The following LTBP4 variants were observed in gnomAD, a reference collection of about 807,000 sequenced individuals.
The protein encoded by LTBP4 is latent transforming growth factor beta binding protein 4.
Under a neutral mutation model 180.2 loss-of-function variants are expected in LTBP4, and 93 were observed. The observed-to-expected ratio is 0.52, with a 90% CI of 0.44 to 0.61. The LOEUF is 0.61. LTBP4 is among the 20% of genes least tolerant of loss of function. The pLI, the probability that LTBP4 is intolerant of heterozygous loss-of-function variation, is 0.00. For missense variants in LTBP4, 2,116 were observed against 2,256.5 expected (o/e 0.94, Z 1.26); for synonymous variants, 947 against 934.5 (o/e 1.01, Z -0.24).
chr19:40,609,949 C>T lies in LTBP4; in HGVS notation c.1684+78C>T. ...CTCTCACTCCAGAGCCTCTCCAGCC[C>T]TCCCACGCTTCCCCTCTCGGGTCCC... On this transcript the variant is annotated intron_variant, in intron 11 of 29. Coordinates refer to ENST00000396819, the MANE Select transcript of LTBP4 (RefSeq NM_001042545.2). The surrounding 1 kb of genome is among the most constrained non-coding windows in gnomAD (Gnocchi z 4.9). 1 of 1,442,392 alleles carries T rather than the reference C, an allele frequency of 6.9e-7. No individual in the cohort carries two copies. The highest frequency in any genetic ancestry group is 9.1e-7 in the Non-Finnish European group (1 of 1,096,840). 89.3% of individuals were successfully genotyped at this position (1,442,392 alleles called of 1,614,324 possible).
In LTBP4 at chr19:40,609,729, C is replaced by T. The variant is rs1212996890; in HGVS notation, c.1559-17C>T. On this transcript the variant is annotated splice_polypyrimidine_tract_variant and intron_variant, in intron 10 of 29. Coordinates refer to ENST00000396819, the MANE Select transcript of LTBP4 (RefSeq NM_001042545.2). The surrounding 1 kb of genome is among the most constrained non-coding windows in gnomAD (Gnocchi z 4.9). ...TTTGCCTGGTCACCTTGTCACCAGC[C>T]CCCTCCGTGTCCTCAGATGTGGACG... The T allele has an allele frequency of 8.1e-6, 13 of 1,611,242 alleles. No individual in the cohort carries two copies. The highest frequency in any genetic ancestry group is 1.1e-5 in the Non-Finnish European group (13 of 1,178,312).
At position 40,608,434 on chromosome 19, in the gene LTBP4, G is replaced by A. The variant is rs370255151; in HGVS notation, c.1307-50G>A. Reference sequence around the variant, plus strand: ...GGCTGCCCCAGCCCCATAGTGAAAGGAGGCAAGAGAGGATTTGGGCTCCAC... The same window carrying A: ...GGCTGCCCCAGCCCCATAGTGAAAGAAGGCAAGAGAGGATTTGGGCTCCAC... On this transcript the variant is annotated intron_variant, in intron 8 of 29. Coordinates refer to ENST00000396819, the MANE Select transcript of LTBP4 (RefSeq NM_001042545.2). 3 of 1,594,874 alleles carry A rather than the reference G, an allele frequency of 1.9e-6. 1 individual carries two copies. In the South Asian group the frequency reaches 3.4e-5, roughly 18 times the overall value.
intron 21 of LTBP4, among the ~76,000 whole-genome samples, chr19:40,617,978 C>T (rs964797386): frequency 2.0e-5 from 3 of 152,094 alleles, no homozygotes; most frequent in Non-Finnish European, 2.9e-5. Context: ...ATTGCAGGCA[C>T]CAGTCTGCTT....
chr19:40,618,259 G>GC (rs1451960468), intron 21 of LTBP4, among the ~76,000 whole-genome samples: 3 of 135,918 alleles, frequency 2.2e-5, no homozygotes, highest in East Asian at 4.2e-4. Flanking sequence ...GTAGAGATGA[G>GC]TTTTTTTTTT....
In LTBP4 at chr19:40,605,934, C is replaced by A; in HGVS notation, c.793+103C>A. On this transcript the variant is annotated intron_variant, in intron 4 of 29. Coordinates refer to ENST00000396819, the MANE Select transcript of LTBP4 (RefSeq NM_001042545.2). This position sits in a 1 kb window ranked among gnomAD's most constrained non-coding sequence, Gnocchi z 5.5. The stretch of plus-strand genomic sequence containing the variant: ...GATAAACCCAGTTCACAAATTGTAG[C>A]CACGCCTACCCCATTGTGGAGGCGA... 8.0e-7 allele frequency: 1 copy of A among 1,256,440 alleles called. No individual in the cohort carries two copies. The highest frequency in any genetic ancestry group is 1.1e-6 in the Non-Finnish European group (1 of 917,764). 77.8% of individuals were successfully genotyped at this position (1,256,440 alleles called of 1,614,324 possible).
rs1425914909 is a variant in LTBP4 at position 40,629,200 on chromosome 19, C to T, written c.4520-196C>T. On this transcript the variant is annotated intron_variant, in intron 29 of 29. Transcript: ENST00000396819. The surrounding 1 kb of genome is among the most constrained non-coding windows in gnomAD (Gnocchi z 4.5). ...GTGCGGTATGGGCCACCATATCCATCTTACAGAACACGAAACTGAAGCACA... is the reference window on the plus strand; with the variant it reads ...GTGCGGTATGGGCCACCATATCCATTTTACAGAACACGAAACTGAAGCACA... 1.3e-5 allele frequency among the ~76,000 whole-genome samples: 2 copies of T among 152,184 alleles called. No homozygotes were observed. The highest frequency in any genetic ancestry group is 2.9e-5 in the Non-Finnish European group (2 of 68,022).
Position 40,629,781 on chromosome 19 carries a change from T to C in LTBP4, c.*231T>C, listed in dbSNP as rs372455076. 235 of 347,856 alleles carry C rather than the reference T, an allele frequency of 6.8e-4. 1 individual carries two copies. The highest frequency in any genetic ancestry group is 4.8e-3 in the African/African-American group (222 of 46,554). The allele number at this position is 347,856 out of a possible 1,614,324, so 21.5% of individuals were successfully genotyped here. A position where few individuals can be genotyped will look rare whatever the true frequency, so the allele number is the denominator to read the frequency against. On this transcript the variant is annotated 3_prime_UTR_variant, in exon 30 of 30. Transcript: ENST00000396819. This position sits in a 1 kb window ranked among gnomAD's most constrained non-coding sequence, Gnocchi z 4.5. ...GGGGCCCCTTTACATGCCCTCTCCC[T>C]TTTATAAAATTTTCCATTAAAAACC...
rs550574645 is a variant in LTBP4, at chr19:40,621,357, A to G, written c.3218-1044A>G. Among the ~76,000 whole-genome samples the G allele has an allele frequency of 2.0e-5, 3 of 152,262 alleles. No homozygotes were observed. The South Asian group carries it at 6.2e-4, about 32-fold the overall frequency. ...TACCCACTGTTTAGCTCTCACTTGTAAGTGAGAACATGTGGTATTTGGTCT... is the reference window on the plus strand; with the variant it reads ...TACCCACTGTTTAGCTCTCACTTGTGAGTGAGAACATGTGGTATTTGGTCT... On this transcript the variant is annotated intron_variant, in intron 22 of 29. Coordinates refer to ENST00000396819, the MANE Select transcript of LTBP4 (RefSeq NM_001042545.2).
chr19:40,610,577 G>T lies in LTBP4; in HGVS notation c.1730G>T (p.Arg577Leu). The T allele has an allele frequency of 6.3e-7, 1 of 1,592,980 alleles. No homozygotes were observed. The highest frequency in any genetic ancestry group is 8.5e-7 in the Non-Finnish European group (1 of 1,175,794). ...HRVPPPCDLGRCENTPGSFLC... is the reference protein window; with the variant it reads ...HRVPPPCDLGLCENTPGSFLC... ...GTGCCGCCGCCGTGTGACCTCGGGCGCTGCGAGAACACGCCAGGCAGCTTC... is the reference window on the plus strand; with the variant it reads ...GTGCCGCCGCCGTGTGACCTCGGGCTCTGCGAGAACACGCCAGGCAGCTTC... The change falls in exon 12 of 30, where the codon CGC (arginine) becomes CTC (leucine). Residue 577 changes from arginine to leucine, a missense_variant. Arg to Leu is a moderately radical substitution (Grantham distance 102). Around this residue, in one of 5 missense-constraint regions of LTBP4, gnomAD observed 877 missense variants for 873.6 expected, o/e 1.00. Coordinates refer to ENST00000396819, the MANE Select transcript of LTBP4 (RefSeq NM_001042545.2).
chr19:40,627,675 C>G (rs375611941), intron 28 of LTBP4, 30 bp from the exon 29 acceptor site: 2 of 1,565,736 alleles, frequency 1.3e-6, no homozygotes, highest in East Asian at 2.4e-5. Context: ...GCAGGGACCT[C>G]AAGTCATAGG....
At chr19:40,597,291 G>A (rs1171564258), upstream of LTBP4, 7 of 1,523,124 alleles carry the variant, frequency 4.6e-6, no homozygotes, top group South Asian at 6.0e-5. Context: ...TGTTGCTGCC[G>A]CTCTTCGCAG....
chr19:40,601,296 C>G, upstream of LTBP4: 1 of 942,088 alleles, frequency 1.1e-6, no homozygotes, highest in Non-Finnish European at 1.3e-6. Context: ...AGCGGGGGCG[C>G]GGGCGACCTC....
rs2081659645 is a variant in LTBP4, at chr19:40,629,306, G to A, written c.4520-90G>A. On this transcript the variant is annotated intron_variant, in intron 29 of 29. Coordinates refer to ENST00000396819, the MANE Select transcript of LTBP4 (RefSeq NM_001042545.2). This position sits in a 1 kb window ranked among gnomAD's most constrained non-coding sequence, Gnocchi z 4.5. ...TTGGACTCCAAACTGCTCAGCATCTGTGCTCCTCTGTTCCAAGAACTTAAG... is the reference window on the plus strand; with the variant it reads ...TTGGACTCCAAACTGCTCAGCATCTATGCTCCTCTGTTCCAAGAACTTAAG... The A allele has an allele frequency of 7.7e-6, 12 of 1,555,206 alleles. No individual in the cohort carries two copies. The South Asian group carries it at 1.3e-4, about 17-fold the overall frequency.
intron 24 of LTBP4, among the ~76,000 whole-genome samples, chr19:40,623,275 A>G (rs1400524654): frequency 6.6e-6 from 1 of 151,658 alleles, no homozygotes; most frequent in Non-Finnish European, 1.5e-5. Flanking sequence ...CCTGGGTTCA[A>G]GCGATTCTCT....
Position 40,610,591 on chromosome 19 carries a change from C to T in LTBP4, c.1744C>T (p.Pro582Ser). ...PCDLGRCENT[P>S]GSFLCVCPAG... ...TGACCTCGGGCGCTGCGAGAACACG[C>T]CAGGCAGCTTCCTGTGCGTGTGCCC... is the stretch of plus-strand genomic sequence containing the variant. Residue 582 changes from proline to serine, a missense_variant, in exon 12 of 30, where the codon CCA (proline) becomes TCA (serine). Coordinates refer to ENST00000396819, the MANE Select transcript of LTBP4 (RefSeq NM_001042545.2). The T allele has an allele frequency of 6.3e-7, 1 of 1,589,226 alleles. No homozygotes were observed. The highest frequency in any genetic ancestry group is 8.5e-7 in the Non-Finnish European group (1 of 1,174,416).
At position 40,613,395 on chromosome 19, in the gene LTBP4, G is replaced by A. The variant is rs761172199; in HGVS notation, c.2432-9G>A. ...CCCGTGACTCCGCCCAATCTCCCGCGTACCCTAGACGTGAACGAGTGCCTG... is the reference window on the plus strand; with the variant it reads ...CCCGTGACTCCGCCCAATCTCCCGCATACCCTAGACGTGAACGAGTGCCTG... On this transcript the variant is annotated splice_polypyrimidine_tract_variant and intron_variant, in intron 16 of 29. Coordinates refer to ENST00000396819, the MANE Select transcript of LTBP4 (RefSeq NM_001042545.2). This position sits in a 1 kb window ranked among gnomAD's most constrained non-coding sequence, Gnocchi z 5.0. The A allele has an allele frequency of 6.9e-6, 11 of 1,604,510 alleles. No homozygotes were observed. Among genetic ancestry groups the A allele is most frequent in the South Asian group, 1.1e-5 (1 of 89,262 alleles).
intron 21 of LTBP4, 47 bp from the exon 22 acceptor site, chr19:40,619,300 A>C: frequency 6.3e-7 from 1 of 1,581,474 alleles, no homozygotes; most frequent in South Asian, 1.1e-5. Context: ...GAATCATAGA[A>C]GCTTATAACC....
upstream of LTBP4, chr19:40,598,678 C>G (rs552473762): frequency 5.9e-5 from 11 of 186,536 alleles, no homozygotes; most frequent in South Asian, 8.6e-4. Context: ...CTGTGACTCC[C>G]GTTATCCCCC....
At position 40,616,929 on chromosome 19, in the gene LTBP4, A is replaced by AG; in HGVS notation, c.2854dup (p.Ala952GlyfsTer5). 2 of 1,613,974 alleles carry AG rather than the reference A, an allele frequency of 1.2e-6. No homozygotes were observed. The highest frequency in any genetic ancestry group is 1.7e-6 in the Non-Finnish European group (2 of 1,179,874). On this transcript the variant is annotated frameshift_variant, in exon 20 of 30. Coordinates refer to ENST00000396819, the MANE Select transcript of LTBP4 (RefSeq NM_001042545.2). LOFTEE classifies it high-confidence loss of function. Reference sequence around the variant, plus strand: ...AAGAATATGGTCCCGAGATTTGTGGAGCCCAGCGTTGTGAGAACACCCCTG... The same window carrying AG: ...AAGAATATGGTCCCGAGATTTGTGGAGGCCCAGCGTTGTGAGAACACCCCTG...
Sources: gnomAD v4.1 joint callset for allele counts (sites outside exome capture counted in the v4.1 genomes callset) on GRCh38, gnomAD v4.1.1 for gene constraint, gnomAD v4.1.1 regional missense constraint, Gnocchi (gnomAD v3.1) non-coding constraint, MANE v1.5 for transcripts, NCBI Gene and HGNC (gene_info 2026-07-23, HGNC 2026-07-21) for gene names.